The following ZSWIM6 variants were observed in gnomAD, a reference collection of about 807,000 sequenced individuals.
ZSWIM6 encodes the protein zinc finger SWIM domain-containing protein 6.
Under a neutral mutation model 113.2 loss-of-function variants are expected in ZSWIM6, and 9 were observed. The observed-to-expected ratio is 0.08, with a 90% CI of 0.05 to 0.14. The LOEUF is 0.14. ZSWIM6 is among the 10% of genes least tolerant of loss of function. ZSWIM6 has a pLI of 1.00. For synonymous variants in ZSWIM6, 611 were observed against 606.5 expected (o/e 1.01, Z -0.11); for missense variants, 1,162 against 1,552.2 (o/e 0.75, Z 4.22).
At chr5:61,434,075 G>A (rs1239742828) in intron 1 of ZSWIM6, among the ~76,000 whole-genome samples, 1 of 144,626 alleles carries the variant, frequency 6.9e-6, no homozygotes, top group Non-Finnish European at 1.5e-5. Context: ...TAAAATATAT[G>A]TATAAAATAT....
intron 4 of ZSWIM6, among the ~76,000 whole-genome samples, chr5:61,498,287 G>A (rs970949123): frequency 3.3e-5 from 5 of 152,094 alleles, no homozygotes; most frequent in South Asian, 4.1e-4. Context: ...GCTGAGTCAC[G>A]CGCTTTGCTT....
At chr5:61,476,876 C>T (rs2112191455) in intron 2 of ZSWIM6, among the ~76,000 whole-genome samples, 1 of 152,208 alleles carries the variant, frequency 6.6e-6, no homozygotes, top group South Asian at 2.1e-4. Flanking sequence ...TACATATTAC[C>T]TGTGTGACCT....
chr5:61,425,804 C>A (rs1284534754), intron 1 of ZSWIM6, among the ~76,000 whole-genome samples: 5 of 152,142 alleles, frequency 3.3e-5, no homozygotes, highest in African/African-American at 1.2e-4. Context: ...ATCAGAATGA[C>A]AGGAATGTTG....
intron 1 of ZSWIM6, among the ~76,000 whole-genome samples, chr5:61,445,905 A>G (rs768571394): frequency 6.6e-6 from 1 of 152,204 alleles, no homozygotes; most frequent in Non-Finnish European, 1.5e-5. Flanking sequence ...TATGCAAATT[A>G]ATGTATTTAA....
intron 1 of ZSWIM6, among the ~76,000 whole-genome samples, chr5:61,367,407 T>G (rs1745182447): frequency 6.6e-6 from 1 of 152,140 alleles, no homozygotes; most frequent in Non-Finnish European, 1.5e-5. Context: ...ACCACCATGC[T>G]TGGCTATTTC....
chr5:61,343,554 T>C (rs1334984310), intron 1 of ZSWIM6, among the ~76,000 whole-genome samples: 1 of 152,130 alleles, frequency 6.6e-6, no homozygotes, highest in Admixed American at 6.5e-5. Context: ...TTTTTATGAG[T>C]GTAGTACTGT....
intron 1 of ZSWIM6, among the ~76,000 whole-genome samples, chr5:61,439,244 C>G (rs1746774632): frequency 6.6e-6 from 1 of 152,050 alleles, no homozygotes; most frequent in Non-Finnish European, 1.5e-5. Context: ...TTGAGATTTC[C>G]CTATGTTCAT....
intron 1 of ZSWIM6, among the ~76,000 whole-genome samples, chr5:61,416,368 G>T (rs2112119371): frequency 6.6e-6 from 1 of 152,262 alleles, no homozygotes; most frequent in Admixed American, 6.5e-5. Flanking sequence ...TTTTTAATAA[G>T]AATTTTAGAC....
intron 3 of ZSWIM6, among the ~76,000 whole-genome samples, chr5:61,491,204 G>A (rs1748166779): frequency 6.6e-6 from 1 of 151,704 alleles, no homozygotes; most frequent in Admixed American, 6.6e-5. Context: ...AATAATAAAA[G>A]CAAAATAATT....
intron 9 of ZSWIM6, among the ~76,000 whole-genome samples, chr5:61,533,971 A>G (rs1006656566): frequency 2.0e-5 from 3 of 152,154 alleles, no homozygotes; most frequent in African/African-American, 4.8e-5. Context: ...CAAGCTCTCT[A>G]GTGTCTCTTC....
chr5:61,461,160 C>G (rs1747315996), intron 1 of ZSWIM6, among the ~76,000 whole-genome samples: 2 of 152,272 alleles, frequency 1.3e-5, no homozygotes, highest in Admixed American at 1.3e-4. Context: ...TATCCTTTCT[C>G]TCTCCCCTTC....
intron 2 of ZSWIM6, among the ~76,000 whole-genome samples, chr5:61,484,719 G>C (rs1164760642): frequency 6.6e-6 from 1 of 152,112 alleles, no homozygotes; most frequent in Non-Finnish European, 1.5e-5. Context: ...TAAAAGAGAG[G>C]CATGCTAACA....
At chr5:61,381,328 T>G (rs1169060486) in intron 1 of ZSWIM6, among the ~76,000 whole-genome samples, 1 of 152,244 alleles carries the variant, frequency 6.6e-6, no homozygotes, top group Non-Finnish European at 1.5e-5. Context: ...CTGCTATGTG[T>G]ATTCATAAAC....
intron 1 of ZSWIM6, 61 bp downstream of exon 1, chr5:61,333,009 G>GGCCCCCCCC: frequency 4.5e-6 from 2 of 439,898 alleles, no homozygotes; most frequent in Non-Finnish European, 6.4e-6. Flanking sequence ...TGGGGGGGGG[G>GGCCCCCCCC]TGCCCGCCTT....
intron 4 of ZSWIM6, among the ~76,000 whole-genome samples, chr5:61,500,166 G>A (rs1022194378): frequency 2.7e-5 from 4 of 150,200 alleles, no homozygotes; most frequent in African/African-American, 4.9e-5. Context: ...TCGCTGTGTC[G>A]CCTAGGCTGG....
intron 1 of ZSWIM6, chr5:61,390,778 T>C: frequency 1.3e-6 from 1 of 790,070 alleles, no homozygotes; most frequent in Non-Finnish European, 2.3e-6. Context: ...GTGGTGTCAA[T>C]GAACTTAAGG....
At chr5:61,387,365 A>C (rs897345589) in intron 1 of ZSWIM6, among the ~76,000 whole-genome samples, 1 of 152,252 alleles carries the variant, frequency 6.6e-6, no homozygotes, top group Non-Finnish European at 1.5e-5. Flanking sequence ...TTTCAAATGT[A>C]AGAAATTGAG....
chr5:61,467,911 G>A (rs951247865), intron 1 of ZSWIM6, among the ~76,000 whole-genome samples: 1 of 152,212 alleles, frequency 6.6e-6, no homozygotes, highest in African/African-American at 2.4e-5. Context: ...ACCTCCACGG[G>A]CTAGACCCCT....
Position 61,332,740 on chromosome 5 carries a change from G to C in ZSWIM6, c.468G>C (p.Ser156=). Reference sequence around the variant, plus strand: ...GCGGCGGCGGCGGCGGCGGCTCCTCGTCTTCCCCGGCCGCAACCTCGGCGG... The same window carrying C: ...GCGGCGGCGGCGGCGGCGGCTCCTCCTCTTCCCCGGCCGCAACCTCGGCGG... ...GAGGGGGGGS[S]SSPAATSAAA... The change falls in exon 1 of 14, where the codon TCG becomes TCC. Residue 156 remains serine, a synonymous_variant. Transcript: ENST00000252744. The C allele has an allele frequency of 1.1e-6, 1 of 949,450 alleles. No individual in the cohort carries two copies. The highest frequency in any genetic ancestry group is 6.7e-5 in the Admixed American group (1 of 14,876). 58.8% of individuals were successfully genotyped at this position (949,450 alleles called of 1,614,324 possible).
Sources: gnomAD v4.1 joint callset for allele counts (sites outside exome capture counted in the v4.1 genomes callset) on GRCh38, gnomAD v4.1.1 for gene constraint, MANE v1.5 for transcripts, NCBI Gene and HGNC (gene_info 2026-07-23, HGNC 2026-07-21) for gene names.